The following TBC1D5 variants were observed in gnomAD, a reference collection of about 807,000 sequenced individuals.
The protein encoded by TBC1D5 is TBC1 domain family, member 5.
TBC1D5 carries 75 observed loss-of-function variants against 100.3 expected under a neutral mutation model. The ratio of observed to expected loss-of-function variants is 0.75; its 90% confidence interval spans 0.62 to 0.91. The LOEUF is 0.91. TBC1D5 is among the 40% of genes least tolerant of loss of function. TBC1D5 has a pLI of 0.00. For missense variants in TBC1D5, 910 were observed against 942.4 expected (o/e 0.97, Z 0.45); for synonymous variants, 323 against 325.6 (o/e 0.99, Z 0.09).
chr3:17,360,747 A>C (rs2091629832), intron 13 of TBC1D5, among the ~76,000 whole-genome samples: 1 of 152,026 alleles, frequency 6.6e-6, no homozygotes, highest in Non-Finnish European at 1.5e-5. Flanking sequence ...ATTATGATTA[A>C]AATTTCTTCT....
At chr3:17,207,802 G>A (rs977793859) in intron 18 of TBC1D5, among the ~76,000 whole-genome samples, 2 of 152,144 alleles carry the variant, frequency 1.3e-5, no homozygotes, top group Non-Finnish European at 2.9e-5. Flanking sequence ...AGATTTTACT[G>A]TACTTAGACT....
At chr3:17,622,449 G>C (rs550188820) in intron 2 of TBC1D5, among the ~76,000 whole-genome samples, 1 of 152,226 alleles carries the variant, frequency 6.6e-6, no homozygotes, top group South Asian at 2.1e-4. Context: ...ATATTGGAAA[G>C]TATGTTTTAT....
intron 18 of TBC1D5, among the ~76,000 whole-genome samples, chr3:17,189,655 C>T (rs558564093): frequency 6.6e-6 from 1 of 152,328 alleles, no homozygotes; most frequent in Non-Finnish European, 1.5e-5. Context: ...CTGTAAGCCA[C>T]AGTCTCTGGA....
intron 1 of TBC1D5, among the ~76,000 whole-genome samples, chr3:17,724,312 C>G (rs1001850051): frequency 6.6e-6 from 1 of 152,074 alleles, no homozygotes; most frequent in Admixed American, 6.6e-5. Flanking sequence ...CCAGGTTGGT[C>G]TCAAACTATT....
intron 13 of TBC1D5, among the ~76,000 whole-genome samples, chr3:17,361,878 G>A (rs2091749887): frequency 6.6e-6 from 1 of 151,962 alleles, no homozygotes; most frequent in African/African-American, 2.4e-5. Context: ...AAGGATAAGA[G>A]CTGCAACTAA....
intron 18 of TBC1D5, among the ~76,000 whole-genome samples, chr3:17,209,212 G>T (rs1227337786): frequency 6.6e-6 from 1 of 152,188 alleles, no homozygotes; most frequent in Non-Finnish European, 1.5e-5. Flanking sequence ...CAGTGGCACA[G>T]TCACTGCTCA....
intron 2 of TBC1D5, among the ~76,000 whole-genome samples, chr3:17,614,418 G>C (rs1305791071): frequency 6.6e-6 from 1 of 152,178 alleles, no homozygotes; most frequent in African/African-American, 2.4e-5. Flanking sequence ...TGCGAATTCT[G>C]TGAAGAAAGT....
chr3:17,398,172 TAA>T (rs2152388905), intron 8 of TBC1D5, among the ~76,000 whole-genome samples: 1 of 152,276 alleles, frequency 6.6e-6, no homozygotes, highest in East Asian at 1.9e-4. Flanking sequence ...ATTCAAGTTC[TAA>T]ATTAGAATGC....
chr3:17,197,654 G>C (rs1020413770), intron 18 of TBC1D5, among the ~76,000 whole-genome samples: 12 of 152,300 alleles, frequency 7.9e-5, no homozygotes, highest in African/African-American at 2.9e-4. Context: ...TTACAGGCAT[G>C]AGTTACTGTG....
intron 3 of TBC1D5, among the ~76,000 whole-genome samples, chr3:17,442,940 GA>G (rs1233302565): frequency 6.6e-6 from 1 of 151,938 alleles, no homozygotes; most frequent in African/African-American, 2.4e-5. Context: ...GAGGGAAATA[GA>G]AGGAAGGGAA....
intron 8 of TBC1D5, among the ~76,000 whole-genome samples, chr3:17,396,892 T>C (rs1380361616): frequency 6.6e-6 from 1 of 152,124 alleles, no homozygotes; most frequent in Non-Finnish European, 1.5e-5. Flanking sequence ...ATCATTCCAA[T>C]TTTAATATTT....
At chr3:17,363,916 C>G (rs912408926) in intron 13 of TBC1D5, among the ~76,000 whole-genome samples, 1 of 150,896 alleles carries the variant, frequency 6.6e-6, no homozygotes, top group African/African-American at 2.4e-5. Context: ...TTTTTTAAAC[C>G]AATTTAAAAA....
At chr3:17,551,616 T>G (rs114256065) in intron 2 of TBC1D5, among the ~76,000 whole-genome samples, 13 of 152,116 alleles carry the variant, frequency 8.5e-5, no homozygotes, top group African/African-American at 2.9e-4. Flanking sequence ...ATGCTCTTAG[T>G]GTAATCGCAG....
intron 13 of TBC1D5, among the ~76,000 whole-genome samples, chr3:17,353,759 T>C (rs528395563): frequency 2.1e-4 from 32 of 152,214 alleles, no homozygotes; most frequent in African/African-American, 7.5e-4. Context: ...TATAAGAAGA[T>C]GAGAAGAGGA....
At chr3:17,714,150 C>T (rs1276964845) in intron 1 of TBC1D5, among the ~76,000 whole-genome samples, 4 of 152,074 alleles carry the variant, frequency 2.6e-5, no homozygotes, top group Non-Finnish European at 5.9e-5. Flanking sequence ...CTGTTCTAAC[C>T]TGTCTGGGAG....
intron 3 of TBC1D5, among the ~76,000 whole-genome samples, chr3:17,492,480 G>T (rs2095651311): frequency 6.6e-6 from 1 of 151,974 alleles, no homozygotes; most frequent in African/African-American, 2.4e-5. Flanking sequence ...TGTCACCCAG[G>T]CTGGAGTGGA....
intron 4 of TBC1D5, among the ~76,000 whole-genome samples, chr3:17,418,680 A>G (rs2094140687): frequency 6.6e-6 from 1 of 152,184 alleles, no homozygotes; most frequent in Non-Finnish European, 1.5e-5. Flanking sequence ...ATAGCAGTTC[A>G]TGTAAAGTAA....
chr3:17,484,902 C>T (rs934920674), intron 3 of TBC1D5, among the ~76,000 whole-genome samples: 1 of 152,124 alleles, frequency 6.6e-6, no homozygotes, highest in Non-Finnish European at 1.5e-5. Context: ...GAGGAACCCA[C>T]ATTCACTCTA....
intron 13 of TBC1D5, among the ~76,000 whole-genome samples, chr3:17,367,144 A>G (rs2092193791): frequency 2.0e-5 from 3 of 152,202 alleles, no homozygotes; most frequent in Admixed American, 1.3e-4. Flanking sequence ...TTACAGATTC[A>G]ATACATTTAA....
Sources: allele counts gnomAD v4.1 joint callset (sites outside exome capture counted in the v4.1 genomes callset), GRCh38; gene constraint gnomAD v4.1.1; transcripts MANE v1.5; gene names NCBI Gene and HGNC (gene_info 2026-07-23, HGNC 2026-07-21).